The following SEC24B variants were observed in gnomAD, a reference collection of about 807,000 sequenced individuals.
SEC24B encodes SEC24 homolog B, COPII component, also known as protein transport protein Sec24B.
A neutral mutation model predicts 142.8 loss-of-function variants in SEC24B; 45 were observed. The observed-to-expected ratio is 0.32, with a 90% CI of 0.25 to 0.40. The LOEUF (loss-of-function observed/expected upper bound fraction) is 0.40. Among genes scored for constraint, SEC24B ranks in the 10% least tolerant of loss-of-function variants. The pLI is 1.00. For synonymous variants in SEC24B, 574 were observed against 568.2 expected (o/e 1.01, Z -0.15); for missense variants, 1,409 against 1,526.8 (o/e 0.92, Z 1.29).
intron 6 of SEC24B, 119 bp from the exon 7 acceptor site, chr4:109,506,209 A>G (rs1017132270): frequency 1.6e-6 from 1 of 620,830 alleles, no homozygotes; most frequent in African/African-American, 1.9e-5. Context: ...CTGCATACCA[A>G]GCCAGATTTA....
intron 1 of SEC24B, among the ~76,000 whole-genome samples, chr4:109,439,859 G>A (rs185365023): frequency 2.4e-4 from 37 of 151,460 alleles, no homozygotes; most frequent in East Asian, 1.4e-3. Flanking sequence ...GGTGGCTTAC[G>A]CCTGTAATCC....
chr4:109,529,661 G>A (rs1169287246), intron 18 of SEC24B, among the ~76,000 whole-genome samples: 1 of 152,184 alleles, frequency 6.6e-6, no homozygotes, highest in Non-Finnish European at 1.5e-5. Context: ...CTTGGTGTTT[G>A]AGTAATGGAA....
chr4:109,452,332 C>T (rs541110004), intron 1 of SEC24B, among the ~76,000 whole-genome samples: 2 of 152,314 alleles, frequency 1.3e-5, no homozygotes, highest in South Asian at 4.1e-4. Context: ...TGTTATCAGA[C>T]ATCTTGGTTG....
intron 2 of SEC24B, among the ~76,000 whole-genome samples, chr4:109,466,515 G>A (rs928764036): frequency 3.2e-4 from 48 of 152,204 alleles, no homozygotes; most frequent in African/African-American, 8.7e-4. Context: ...GGTTCATGCC[G>A]TTCTCCTGCC....
intron 1 of SEC24B, among the ~76,000 whole-genome samples, chr4:109,451,358 T>A (rs1213876632): frequency 9.1e-6 from 1 of 109,556 alleles, no homozygotes; most frequent in Non-Finnish European, 2.0e-5. Context: ...GCCTTGCTAA[T>A]TTTTTTTTTT....
chr4:109,454,941 C>A (rs990754445), intron 1 of SEC24B, among the ~76,000 whole-genome samples: 1 of 152,196 alleles, frequency 6.6e-6, no homozygotes, highest in Non-Finnish European at 1.5e-5. Context: ...TCCTGGGTTT[C>A]CCCATTCAGT....
chr4:109,533,626 A>G lies in SEC24B; in HGVS notation c.3529A>G (p.Asn1177Asp). The G allele has an allele frequency of 2.5e-6, 4 of 1,611,416 alleles. No individual in the cohort carries two copies. The highest frequency in any genetic ancestry group is 2.5e-6 in the Non-Finnish European group (3 of 1,179,066). ...CATTTGGGTTGGGAAAGGCTGTGAC[A>G]ATAACTTCATAGAGGATGTGCTTGG... ...FYIWVGKGCDNNFIEDVLGYT... is the reference protein window; with the variant it reads ...FYIWVGKGCDDNFIEDVLGYT... Residue 1177 changes from asparagine (N) to aspartate (D), a missense_variant, in exon 22 of 24, where the codon AAT becomes GAT. Physicochemically the swap from Asn to Asp is conservative, Grantham distance 23. Coordinates refer to ENST00000265175, the MANE Select transcript of SEC24B (RefSeq NM_006323.5).
chr4:109,522,791 A>G (rs761137140), intron 14 of SEC24B, among the ~76,000 whole-genome samples: 1 of 152,172 alleles, frequency 6.6e-6, no homozygotes, highest in African/African-American at 2.4e-5. Context: ...GACCTTTTTC[A>G]TTGGAGAATA....
chr4:109,449,420 C>T (rs531128160), intron 1 of SEC24B: 47 of 341,216 alleles, frequency 1.4e-4, no homozygotes, highest in African/African-American at 1.0e-3. Context: ...TTTGTAGAGA[C>T]GGGATTTCAC....
intron 3 of SEC24B, among the ~76,000 whole-genome samples, 178 bp from the exon 4 acceptor site, chr4:109,481,499 C>T (rs1322443169): frequency 6.6e-6 from 1 of 152,202 alleles, no homozygotes; most frequent in Admixed American, 6.5e-5. Flanking sequence ...TACTAAACTG[C>T]TTTGCAGAGA....
chr4:109,453,992 G>C (rs1027304990), intron 1 of SEC24B, among the ~76,000 whole-genome samples: 10 of 152,020 alleles, frequency 6.6e-5, no homozygotes, highest in African/African-American at 2.4e-4. Context: ...CAAATAGCTG[G>C]GATTACAGGC....
At chr4:109,462,644 T>G (rs1383751920) in intron 1 of SEC24B, among the ~76,000 whole-genome samples, 2 of 152,142 alleles carry the variant, frequency 1.3e-5, no homozygotes, top group Non-Finnish European at 2.9e-5. Flanking sequence ...TCATCACCTT[T>G]GCCGTATGCT....
At position 109,439,933 on chromosome 4, in the gene SEC24B, C is replaced by T. The variant is rs995428517; in HGVS notation, c.133+5931C>T. On this transcript the variant is annotated intron_variant, in intron 1 of 23. Coordinates refer to ENST00000265175, the MANE Select transcript of SEC24B (RefSeq NM_006323.5). Reference sequence around the variant, plus strand: ...GTCAGGAGTTTGAGACCAGCCTGGACGACAGGATGAAACCCGTCTCTACTA... The same window carrying T: ...GTCAGGAGTTTGAGACCAGCCTGGATGACAGGATGAAACCCGTCTCTACTA... 4.0e-5 allele frequency among the ~76,000 whole-genome samples: 6 copies of T among 151,494 alleles called. 1 individual carries two copies. Among genetic ancestry groups the T allele is most frequent in the South Asian group, 2.1e-4 (1 of 4,798 alleles).
chr4:109,531,254 G>A, intron 19 of SEC24B, 131 bp from the exon 20 acceptor site: 1 of 705,044 alleles, frequency 1.4e-6, no homozygotes, highest in African/African-American at 1.8e-5. Flanking sequence ...AAATGTCAGA[G>A]CTGAGAATTG....
At chr4:109,537,665 AAAG>A (rs775634450) in intron 22 of SEC24B, among the ~76,000 whole-genome samples, 5 of 152,190 alleles carry the variant, frequency 3.3e-5, no homozygotes, top group South Asian at 2.1e-4. Context: ...AAAAAGAAAA[AAAG>A]AAGAAGAATA....
At chr4:109,459,243 A>G (rs1490777856) in intron 1 of SEC24B, among the ~76,000 whole-genome samples, 1 of 152,198 alleles carries the variant, frequency 6.6e-6, no homozygotes, top group Non-Finnish European at 1.5e-5. Context: ...CAGAAAATTT[A>G]ATCTGTCATG....
chr4:109,463,272 T>A lies in SEC24B; in HGVS notation c.505T>A (p.Ser169Thr). ...TAGTCCAGCCATGTACTCTGCCAGC[T>A]CTTCTGTTGCGTCTCAGGGATTTCC... is the stretch of plus-strand genomic sequence containing the variant. ...YNSPAMYSAS[S>T]SVASQGFPST... Residue 169 changes from serine (S) to threonine (T), a missense_variant, in exon 2 of 24, where the codon TCT becomes ACT. Physicochemically the swap from Ser to Thr is moderately conservative, Grantham distance 58 (BLOSUM62 1). This residue lies in a region of SEC24B where 709 missense variants were observed against 673.5 expected (regional missense o/e 1.05). Transcript: ENST00000265175. 1.2e-6 allele frequency: 2 copies of A among 1,614,210 alleles called. No individual in the cohort carries two copies. Among genetic ancestry groups the A allele is most frequent in the Non-Finnish European group, 1.7e-6 (2 of 1,180,036 alleles).
At chr4:109,511,849 CAT>C (rs1462546969) in intron 8 of SEC24B, 106 bp from the exon 9 acceptor site, 24 of 1,134,384 alleles carry the variant, frequency 2.1e-5, no homozygotes, top group Non-Finnish European at 3.0e-5. Context: ...TATAAAACCA[CAT>C]AAAAACAATT....
At chr4:109,465,304 A>G (rs1731750536) in intron 2 of SEC24B, among the ~76,000 whole-genome samples, 1 of 152,220 alleles carries the variant, frequency 6.6e-6, no homozygotes, top group Non-Finnish European at 1.5e-5. Flanking sequence ...ATTCAACTAC[A>G]AATTACTGAG....
Sources: allele counts gnomAD v4.1 joint callset (sites outside exome capture counted in the v4.1 genomes callset), GRCh38; gene constraint gnomAD v4.1.1; regional missense constraint gnomAD v4.1.1; transcripts MANE v1.5; gene names NCBI Gene and HGNC (gene_info 2026-07-23, HGNC 2026-07-21).